Variants in ME1 observed in about 807,000 individuals in gnomAD.
ME1 encodes malic enzyme 1.
A neutral mutation model predicts 66.4 loss-of-function variants in ME1; 74 were observed. The ratio of observed to expected loss-of-function variants is 1.11; its 90% confidence interval spans 0.92 to 1.35. The LOEUF (loss-of-function observed/expected upper bound fraction) is 1.35. ME1 is among the 40% of genes most tolerant of loss of function. The pLI is 0.00. For missense variants in ME1, 750 were observed against 694.1 expected, an observed-to-expected ratio of 1.08 and a Z score of -0.90; for synonymous variants, 251 against 235.6, an observed-to-expected ratio of 1.07 and a Z score of -0.60.
chr6:83,345,649 G>C (rs992163402), intron 5 of ME1, among the ~76,000 whole-genome samples: 1 of 151,844 alleles, frequency 6.6e-6, no homozygotes, highest in African/African-American at 2.4e-5. Flanking sequence ...TTAACTTCTA[G>C]TATCTAGTTA....
chr6:83,404,940 T>C (rs1222060874), intron 2 of ME1, among the ~76,000 whole-genome samples: 3 of 152,238 alleles, frequency 2.0e-5, no homozygotes, highest in Non-Finnish European at 2.9e-5. Context: ...TCAGGTAGCA[T>C]GATGCTTCCA....
intron 9 of ME1, among the ~76,000 whole-genome samples, chr6:83,237,344 A>G (rs1362758449): frequency 1.4e-4 from 21 of 151,344 alleles, no homozygotes; most frequent in African/African-American, 4.9e-4. Flanking sequence ...AAGGAAGGAA[A>G]GAAAGAAAAA....
At chr6:83,300,652 A>T (rs1179277871) in intron 6 of ME1, among the ~76,000 whole-genome samples, 1 of 114,344 alleles carries the variant, frequency 8.7e-6, no homozygotes, top group East Asian at 2.6e-4. Flanking sequence ...GTTGTGCAGG[A>T]TCTAGAACTA....
At chr6:83,412,048 A>G (rs2128552519) in intron 1 of ME1, among the ~76,000 whole-genome samples, 1 of 152,350 alleles carries the variant, frequency 6.6e-6, no homozygotes, top group East Asian at 1.9e-4. Context: ...ATGACGAAGG[A>G]CTTATATTAG....
At chr6:83,235,903 AAAAC>A (rs1197721966) in intron 9 of ME1, among the ~76,000 whole-genome samples, 11 of 152,092 alleles carry the variant, frequency 7.2e-5, no homozygotes, top group Non-Finnish European at 1.6e-4. Context: ...TTAATTTTAA[AAAAC>A]AAATATTTTT....
chr6:83,324,052 T>C (rs774925393), intron 5 of ME1, among the ~76,000 whole-genome samples: 2 of 152,044 alleles, frequency 1.3e-5, no homozygotes. Flanking sequence ...ACTGCACAAC[T>C]ACATGGAAAC....
intron 2 of ME1, among the ~76,000 whole-genome samples, chr6:83,401,289 C>G (rs1371935786): frequency 6.6e-6 from 1 of 152,264 alleles, no homozygotes; most frequent in Middle Eastern, 3.4e-3. Flanking sequence ...GAGCTATGGT[C>G]ACGTCAGTGC....
chr6:83,383,657 A>G lies in ME1; in HGVS notation c.362+14710T>C, dbSNP rs144305408. On this transcript the variant is annotated intron_variant, in intron 3 of 13. Transcript: ENST00000369705. ...TTGCACATTTTCAGCTTTTAAAATA[A>G]ATTACCTCATTTCATAGTGAAAATG... Among the ~76,000 whole-genome samples the G allele has an allele frequency of 7.6e-3, 1,150 of 151,930 alleles. 20 individuals are homozygous for G. The highest frequency in any genetic ancestry group is 0.026 in the African/African-American group (1,074 of 41,372).
chr6:83,350,559 G>A (rs904557834), intron 4 of ME1, among the ~76,000 whole-genome samples: 4 of 152,012 alleles, frequency 2.6e-5, no homozygotes, highest in African/African-American at 9.7e-5. Flanking sequence ...TTGAACTCCT[G>A]AGCTCAAGTG....
At chr6:83,224,683 CA>C (rs58210396) in intron 11 of ME1, among the ~76,000 whole-genome samples, 11,520 of 102,594 alleles carry the variant, frequency 0.11, 623 homozygotes, top group East Asian at 0.31. Flanking sequence ...GATTCCAGCT[CA>C]AAAAAAAAAA....
chr6:83,273,440 T>C (rs887908255), intron 6 of ME1, among the ~76,000 whole-genome samples: 1 of 152,128 alleles, frequency 6.6e-6, no homozygotes, highest in African/African-American at 2.4e-5. Flanking sequence ...AACTTTTAAA[T>C]AAAGTTTTAA....
intron 7 of ME1, among the ~76,000 whole-genome samples, chr6:83,245,405 G>A (rs1790599751): frequency 7.9e-6 from 1 of 127,298 alleles, no homozygotes; most frequent in African/African-American, 3.1e-5. Context: ...TATTAGTGAG[G>A]CAAAATAATT....
intron 5 of ME1, among the ~76,000 whole-genome samples, chr6:83,342,737 G>C (rs1768612652): frequency 6.6e-6 from 1 of 152,036 alleles, no homozygotes; most frequent in African/African-American, 2.4e-5. Flanking sequence ...GCCCAGGCTG[G>C]AGTGCAATGT....
intron 4 of ME1, among the ~76,000 whole-genome samples, chr6:83,349,347 A>G: frequency 6.6e-6 from 1 of 152,200 alleles, no homozygotes; most frequent in Admixed American, 6.5e-5. Flanking sequence ...CCTGCTTCAG[A>G]AAAATGAAGC....
At chr6:83,304,510 A>G (rs1202314074) in intron 6 of ME1, among the ~76,000 whole-genome samples, 1 of 152,204 alleles carries the variant, frequency 6.6e-6, no homozygotes, top group African/African-American at 2.4e-5. Context: ...CAAAACTTTA[A>G]CAATAGCTTA....
chr6:83,407,751 C>A lies in ME1; in HGVS notation c.212+17G>T. 1 of 1,557,390 alleles carries A rather than the reference C, an allele frequency of 6.4e-7. No homozygotes were observed. Among genetic ancestry groups the A allele is most frequent in the Non-Finnish European group, 8.6e-7 (1 of 1,159,970 alleles). On this transcript the variant is annotated intron_variant, in intron 2 of 13. Coordinates refer to ENST00000369705, the MANE Select transcript of ME1 (RefSeq NM_002395.6). ...TGCATAAGAGAAATATAAAAACCAC[C>A]TTCAGCAATGTGTTACCTGTCAAAG...
intron 3 of ME1, among the ~76,000 whole-genome samples, chr6:83,373,175 G>T (rs74926170): frequency 0.013 from 2,017 of 152,000 alleles, 26 homozygotes; most frequent in Admixed American, 0.021. Flanking sequence ...CATATTTCCT[G>T]TATCTTTGTC....
At chr6:83,328,092 T>A (rs1432352256) in intron 5 of ME1, among the ~76,000 whole-genome samples, 3 of 152,066 alleles carry the variant, frequency 2.0e-5, no homozygotes. Flanking sequence ...TTAGACTGGA[T>A]AAAGAAAATG....
intron 13 of ME1, among the ~76,000 whole-genome samples, chr6:83,212,626 A>G (rs970868163): frequency 2.6e-5 from 4 of 152,184 alleles, no homozygotes; most frequent in Admixed American, 2.6e-4. Flanking sequence ...GCATAATTCT[A>G]GTCCCTCGTC....
Sources: allele counts gnomAD v4.1 joint callset (sites outside exome capture counted in the v4.1 genomes callset), GRCh38; gene constraint gnomAD v4.1.1; transcripts MANE v1.5; gene names NCBI Gene and HGNC (gene_info 2026-07-23, HGNC 2026-07-21).